BMP6: variants seen among roughly 807,000 people sequenced by gnomAD.
BMP6 encodes bone morphogenetic protein 6.
BMP6 carries 17 observed loss-of-function variants against 54.1 expected under a neutral mutation model. The observed-to-expected ratio is 0.31, with a 90% CI of 0.22 to 0.47. The LOEUF (loss-of-function observed/expected upper bound fraction) is 0.47. BMP6 is among the 20% of genes least tolerant of loss of function. BMP6 has a pLI of 1.00. For synonymous variants in BMP6, 328 were observed against 291.2 expected, an observed-to-expected ratio of 1.13 and a Z score of -1.28; for missense variants, 720 against 690.4, an observed-to-expected ratio of 1.04 and a Z score of -0.48.
At chr6:7,864,289 C>CTGT (rs1759383438) in intron 4 of BMP6, among the ~76,000 whole-genome samples, 1 of 152,198 alleles carries the variant, frequency 6.6e-6, no homozygotes, top group African/African-American at 2.4e-5. Flanking sequence ...GGTTGCTACC[C>CTGT]TGTGATTTTG....
intron 4 of BMP6, among the ~76,000 whole-genome samples, chr6:7,867,515 G>A (rs960353187): frequency 6.6e-5 from 10 of 152,332 alleles, no homozygotes; most frequent in African/African-American, 2.2e-4. Context: ...ATTGGGGATA[G>A]CCAGAGCTGA....
chr6:7,850,432 T>C (rs1759125248), intron 2 of BMP6, among the ~76,000 whole-genome samples: 1 of 152,194 alleles, frequency 6.6e-6, no homozygotes, highest in African/African-American at 2.4e-5. Context: ...TTCTTCCCCC[T>C]TCATCCCTCC....
chr6:7,738,918 T>G (rs566568749), intron 1 of BMP6, among the ~76,000 whole-genome samples: 12 of 152,332 alleles, frequency 7.9e-5, no homozygotes, highest in African/African-American at 2.9e-4. Context: ...CATCGACACC[T>G]TGGCTCTTCT....
At chr6:7,859,900 G>T (rs2113274629) in intron 2 of BMP6, among the ~76,000 whole-genome samples, 1 of 152,254 alleles carries the variant, frequency 6.6e-6, no homozygotes, top group Middle Eastern at 3.4e-3. Flanking sequence ...ACTTTAAGTG[G>T]CCATGGAGGC....
At chr6:7,767,097 C>T (rs1561765344) in intron 1 of BMP6, among the ~76,000 whole-genome samples, 1 of 151,844 alleles carries the variant, frequency 6.6e-6, no homozygotes, top group Non-Finnish European at 1.5e-5. Flanking sequence ...CGCCATTCTC[C>T]TGCCTCAGCT....
At chr6:7,870,009 G>A (rs971106228) in intron 4 of BMP6, among the ~76,000 whole-genome samples, 10 of 152,200 alleles carry the variant, frequency 6.6e-5, no homozygotes, top group South Asian at 2.1e-4. Flanking sequence ...ACTCTCAGAT[G>A]TGAAAGCTCA....
chr6:7,824,824 C>G (rs781420463), intron 1 of BMP6, among the ~76,000 whole-genome samples: 3 of 152,194 alleles, frequency 2.0e-5, no homozygotes, highest in Non-Finnish European at 4.4e-5. Context: ...AGTCACACTT[C>G]ACTTTCAGAT....
At chr6:7,751,636 A>G (rs993317602) in intron 1 of BMP6, among the ~76,000 whole-genome samples, 3 of 152,218 alleles carry the variant, frequency 2.0e-5, no homozygotes, top group Non-Finnish European at 2.9e-5. Context: ...ACAAATCTCT[A>G]TGGAACAACC....
chr6:7,732,292 T>G lies in BMP6; in HGVS notation c.664+4673T>G, dbSNP rs568885624. Among the ~76,000 whole-genome samples the G allele has an allele frequency of 2.6e-5, 4 of 152,322 alleles. No individual in the cohort carries two copies. In the South Asian group the frequency reaches 8.3e-4, roughly 32 times the overall value. ...GCAGTAGATGTTCTTCTAAAGAGAT[T>G]ACAAAGAGTAAATTTGAAATTCAGT... is the stretch of plus-strand genomic sequence containing the variant. On this transcript the variant is annotated intron_variant, in intron 1 of 6. Coordinates refer to ENST00000283147, the MANE Select transcript of BMP6 (RefSeq NM_001718.6).
intron 1 of BMP6, among the ~76,000 whole-genome samples, chr6:7,790,528 A>G (rs1284505118): frequency 8.5e-6 from 1 of 118,134 alleles, no homozygotes; most frequent in East Asian, 2.0e-4. Flanking sequence ...AAAAAAAAAA[A>G]AAAAAAAAAA....
chr6:7,805,937 A>G (rs1212408815), intron 1 of BMP6, among the ~76,000 whole-genome samples: 1 of 152,280 alleles, frequency 6.6e-6, no homozygotes, highest in South Asian at 2.1e-4. Context: ...TTGGAATGAC[A>G]CATGACTGCA....
intron 2 of BMP6, among the ~76,000 whole-genome samples, chr6:7,853,049 G>A (rs1759170771): frequency 6.6e-6 from 1 of 152,116 alleles, no homozygotes; most frequent in African/African-American, 2.4e-5. Context: ...TTGCTGCTTG[G>A]TGTCTGTGCC....
intron 4 of BMP6, among the ~76,000 whole-genome samples, chr6:7,866,313 T>G (rs1759423288): frequency 6.6e-6 from 1 of 152,240 alleles, no homozygotes; most frequent in African/African-American, 2.4e-5. Context: ...ATCTACCAAT[T>G]CTTTTTCAGC....
chr6:7,787,554 A>G (rs2113177884), intron 1 of BMP6, among the ~76,000 whole-genome samples: 1 of 152,350 alleles, frequency 6.6e-6, no homozygotes, highest in East Asian at 1.9e-4. Flanking sequence ...CACTCAGAGC[A>G]GGGATCTATT....
At position 7,727,241 on chromosome 6, in the gene BMP6, C is replaced by G. The variant is rs758116388; in HGVS notation, c.286C>G (p.Leu96Val). ...GGGGCTCCCGCACCGGCCCCGGCCC[C>G]TGCACGGCCTCCAACAGCCGCAGCC... ...VLGLPHRPRPLHGLQQPQPPA... is the reference protein window; with the variant it reads ...VLGLPHRPRPVHGLQQPQPPA... The change falls in exon 1 of 7, where the codon CTG becomes GTG. Residue 96 changes from leucine (L) to valine (V), a missense_variant. Physicochemically the swap from Leu to Val is conservative, Grantham distance 32 (BLOSUM62 1). Around this residue, in one of 3 missense-constraint regions of BMP6, gnomAD observed 650 missense variants for 556.3 expected, o/e 1.17. Coordinates refer to ENST00000283147, the MANE Select transcript of BMP6 (RefSeq NM_001718.6). 3 of 1,606,650 alleles carry G rather than the reference C, an allele frequency of 1.9e-6. No individual in the cohort carries two copies. The highest frequency in any genetic ancestry group is 2.2e-5 in the South Asian group (2 of 90,556).
intron 1 of BMP6, among the ~76,000 whole-genome samples, chr6:7,740,612 A>C (rs1762028427): frequency 6.6e-6 from 1 of 152,116 alleles, no homozygotes; most frequent in South Asian, 2.1e-4. Context: ...GCACAGATCT[A>C]TTAACAAGCA....
At chr6:7,745,377 G>A (rs984372530) in intron 1 of BMP6, among the ~76,000 whole-genome samples, 29 of 152,156 alleles carry the variant, frequency 1.9e-4, no homozygotes, top group Admixed American at 5.9e-4. Flanking sequence ...GGGCTCAAGC[G>A]ATCCTCCCAC....
At chr6:7,798,657 C>G (rs1319511926) in intron 1 of BMP6, among the ~76,000 whole-genome samples, 4 of 152,228 alleles carry the variant, frequency 2.6e-5, no homozygotes, top group Non-Finnish European at 5.9e-5. Context: ...CACTCACTCA[C>G]TCGGCACTGC....
At chr6:7,808,096 G>T (rs563877444) in intron 1 of BMP6, among the ~76,000 whole-genome samples, 6 of 151,350 alleles carry the variant, frequency 4.0e-5, no homozygotes, top group Non-Finnish European at 5.9e-5. Flanking sequence ...AATTTTTTGT[G>T]TTTTTAGTAG....
Sources: allele counts gnomAD v4.1 joint callset (sites outside exome capture counted in the v4.1 genomes callset), GRCh38; gene constraint gnomAD v4.1.1; regional missense constraint gnomAD v4.1.1; transcripts MANE v1.5; gene names NCBI Gene and HGNC (gene_info 2026-07-23, HGNC 2026-07-21).